SKAP2: variants seen among roughly 807,000 people sequenced by gnomAD.
SKAP2 encodes the protein src kinase-associated phosphoprotein 2.
SKAP2 carries 28 observed loss-of-function variants against 54.9 expected under a neutral mutation model. That is an observed-to-expected ratio of 0.51 (90% CI 0.38 to 0.70). SKAP2 has a LOEUF of 0.70. Ranked by LOEUF, SKAP2 falls within the 30% of genes least tolerant of loss-of-function variation. The pLI, the probability that SKAP2 is intolerant of heterozygous loss-of-function variation, is 0.00. For synonymous variants in SKAP2, 137 were observed against 134.3 expected, an observed-to-expected ratio of 1.02 and a Z score of -0.14; for missense variants, 356 against 424.1, an observed-to-expected ratio of 0.84 and a Z score of 1.41.
chr7:26,764,371 T>C (rs1159345411), intron 4 of SKAP2, among the ~76,000 whole-genome samples: 1 of 152,202 alleles, frequency 6.6e-6, no homozygotes, highest in African/African-American at 2.4e-5. Context: ...CTACTCCTGT[T>C]GAACCGTAAA....
chr7:26,780,172 AT>A (rs545959665), intron 4 of SKAP2, among the ~76,000 whole-genome samples: 83 of 152,112 alleles, frequency 5.5e-4, no homozygotes, highest in Non-Finnish European at 1.0e-3. Context: ...AAAATGAGAT[AT>A]GTTAGTGGCT....
At chr7:26,839,652 T>TG (rs1417647184) in intron 4 of SKAP2, among the ~76,000 whole-genome samples, 1 of 152,108 alleles carries the variant, frequency 6.6e-6, no homozygotes, top group Non-Finnish European at 1.5e-5. Flanking sequence ...GCTAAGTTAT[T>TG]GAAAAAAACC....
chr7:26,787,430 C>A (rs766868860), intron 4 of SKAP2, among the ~76,000 whole-genome samples: 3 of 151,972 alleles, frequency 2.0e-5, no homozygotes, highest in Non-Finnish European at 4.4e-5. Flanking sequence ...TCAAGCAATT[C>A]TCCTACCTTA....
At chr7:26,724,080 A>G (rs927705547) in intron 9 of SKAP2, among the ~76,000 whole-genome samples, 1 of 152,140 alleles carries the variant, frequency 6.6e-6, no homozygotes, top group African/African-American at 2.4e-5. Context: ...ACAGATCACT[A>G]TTCCCCATAA....
At chr7:26,687,553 C>T (rs1373215568) in intron 10 of SKAP2, among the ~76,000 whole-genome samples, 3 of 151,960 alleles carry the variant, frequency 2.0e-5, no homozygotes, top group Non-Finnish European at 4.4e-5. Flanking sequence ...AAAACCCTGG[C>T]AGTATATGTT....
chr7:26,819,896 A>G (rs1466991691), intron 4 of SKAP2, among the ~76,000 whole-genome samples: 1 of 152,008 alleles, frequency 6.6e-6, no homozygotes, highest in Non-Finnish European at 1.5e-5. Flanking sequence ...ACAAAAGACT[A>G]CTGTCTACGA....
intron 6 of SKAP2, among the ~76,000 whole-genome samples, chr7:26,728,051 T>C (rs545950244): frequency 2.1e-4 from 32 of 152,268 alleles, no homozygotes; most frequent in African/African-American, 6.5e-4. Context: ...TGTTAGGTCA[T>C]AGAGATTATA....
At chr7:26,801,255 C>T (rs1783908358) in intron 4 of SKAP2, among the ~76,000 whole-genome samples, 1 of 152,036 alleles carries the variant, frequency 6.6e-6, no homozygotes, top group Admixed American at 6.6e-5. Flanking sequence ...AGGATGAAAA[C>T]CATATGATCA....
Position 26,718,749 on chromosome 7 carries a change from C to T in SKAP2, c.796+6679G>A, listed in dbSNP as rs538437796. 4.1e-4 allele frequency among the ~76,000 whole-genome samples: 63 copies of T among 152,302 alleles called. No individual in the cohort carries two copies. In the South Asian group the frequency reaches 0.012, roughly 30 times the overall value. On this transcript the variant is annotated intron_variant, in intron 9 of 12. Coordinates refer to ENST00000345317, the MANE Select transcript of SKAP2 (RefSeq NM_003930.5). ...TCAATCTCTTGACCTTGTGATCTGCCCACCTCGGCCTCCCAAAGTGCTGGG... is the reference window on the plus strand; with the variant it reads ...TCAATCTCTTGACCTTGTGATCTGCTCACCTCGGCCTCCCAAAGTGCTGGG...
chr7:26,720,285 T>C (rs1302220524), intron 9 of SKAP2, among the ~76,000 whole-genome samples: 1 of 152,218 alleles, frequency 6.6e-6, no homozygotes, highest in Non-Finnish European at 1.5e-5. Context: ...AAGCCATCCC[T>C]TGTAATGAAA....
chr7:26,794,935 T>C (rs1017114066), intron 4 of SKAP2, among the ~76,000 whole-genome samples: 1 of 152,194 alleles, frequency 6.6e-6, no homozygotes, highest in Non-Finnish European at 1.5e-5. Context: ...TAAAACCCCA[T>C]GTCTCGTTTG....
At chr7:26,722,308 C>T (rs893066050) in intron 9 of SKAP2, among the ~76,000 whole-genome samples, 2 of 150,034 alleles carry the variant, frequency 1.3e-5, no homozygotes, top group Admixed American at 6.7e-5. Context: ...AATATTCTAA[C>T]TGAAAAACAA....
At chr7:26,723,832 C>T (rs890330340) in intron 9 of SKAP2, among the ~76,000 whole-genome samples, 2 of 151,962 alleles carry the variant, frequency 1.3e-5, no homozygotes, top group Non-Finnish European at 2.9e-5. Context: ...GCAGTAATAT[C>T]GTGTTTAAAT....
At chr7:26,678,268 A>G (rs890294066) in intron 11 of SKAP2, among the ~76,000 whole-genome samples, 29 of 152,164 alleles carry the variant, frequency 1.9e-4, no homozygotes, top group Non-Finnish European at 3.8e-4. Flanking sequence ...TAATTGGTAT[A>G]GCAAAGTATT....
At chr7:26,769,838 A>AG (rs59481065) in intron 4 of SKAP2, among the ~76,000 whole-genome samples, 152,255 of 152,256 alleles carry the variant, frequency 1, 76,127 homozygotes, top group Non-Finnish European at 1. Context: ...TTTGTCCCAG[A>AG]GGGCACCCGC....
At chr7:26,796,565 C>T (rs551066128) in intron 4 of SKAP2, among the ~76,000 whole-genome samples, 3 of 152,320 alleles carry the variant, frequency 2.0e-5, no homozygotes, top group Non-Finnish European at 2.9e-5. Context: ...AGTTGGGTTG[C>T]TTGATATGTA....
chr7:26,846,168 C>CA (rs1398178542), intron 3 of SKAP2, among the ~76,000 whole-genome samples: 7 of 151,136 alleles, frequency 4.6e-5, no homozygotes, highest in Non-Finnish European at 7.4e-5. Flanking sequence ...ATATCTCACA[C>CA]AAAAAAAATC....
chr7:26,666,322 T>C (rs1007867004), downstream of SKAP2, among the ~76,000 whole-genome samples: 1 of 152,192 alleles, frequency 6.6e-6, no homozygotes, highest in Non-Finnish European at 1.5e-5. Context: ...TTCTAATGGC[T>C]GAACTGCAAA....
chr7:26,862,370 G>A (rs1008688271), intron 1 of SKAP2, among the ~76,000 whole-genome samples: 5 of 151,810 alleles, frequency 3.3e-5, no homozygotes, highest in Non-Finnish European at 5.9e-5. Flanking sequence ...ACATAAATAC[G>A]CCCCAACTCA....
Sources: gnomAD v4.1 joint callset for allele counts (sites outside exome capture counted in the v4.1 genomes callset) on GRCh38, gnomAD v4.1.1 for gene constraint, MANE v1.5 for transcripts, NCBI Gene and HGNC (gene_info 2026-07-23, HGNC 2026-07-21) for gene names.